Variants in RBFOX1 observed in about 807,000 individuals in gnomAD.
RBFOX1 encodes RNA binding protein fox-1 homolog 1.
A neutral mutation model predicts 57.7 loss-of-function variants in RBFOX1; 8 were observed. That is an observed-to-expected ratio of 0.14 (90% confidence interval 0.08 to 0.25). The LOEUF is 0.25. Ranked by LOEUF, RBFOX1 falls within the 10% of genes least tolerant of loss-of-function variation. RBFOX1 has a pLI of 1.00. For missense variants in RBFOX1, 611 were observed against 548.5 expected (o/e 1.11, Z -1.14); for synonymous variants, 326 against 222.4 (o/e 1.47, Z -4.15).
intron 1 of RBFOX1, among the ~76,000 whole-genome samples, chr16:6,034,083 C>A (rs772580911): frequency 6.6e-6 from 1 of 151,826 alleles, no homozygotes; most frequent in Admixed American, 6.6e-5. Flanking sequence ...GCCCGTAATC[C>A]CAGCCCTTTG....
At chr16:7,215,037 C>G (rs576586291) in intron 4 of RBFOX1, among the ~76,000 whole-genome samples, 3 of 152,234 alleles carry the variant, frequency 2.0e-5, no homozygotes, top group East Asian at 3.9e-4. Context: ...GCTATTTGTC[C>G]TAATGCTCTC....
At chr16:5,542,130 G>C (rs558904718) in intron 2 of RBFOX1, among the ~76,000 whole-genome samples, 15 of 152,148 alleles carry the variant, frequency 9.9e-5, no homozygotes, top group Admixed American at 3.9e-4. Context: ...GTCAGGTCCA[G>C]AGCATGGGAT....
intron 4 of RBFOX1, among the ~76,000 whole-genome samples, chr16:6,007,960 C>A (rs531264578): frequency 1.3e-5 from 2 of 152,200 alleles, no homozygotes; most frequent in African/African-American, 2.4e-5. Flanking sequence ...CATCTGTAAT[C>A]CCAACACCTT....
Position 5,585,177 on chromosome 16 carries a change from C to T in RBFOX1, c.259-13725C>T, listed in dbSNP as rs144718157. ...AAGGAACTACTCCCCATCCTGCCCT[C>T]CCCCCGTCCCTGGAAATCACTAATC... On this transcript the variant is annotated intron_variant, in intron 2 of 2. Coordinates refer to the RBFOX1 transcript ENST00000585867. Among the ~76,000 whole-genome samples the T allele has an allele frequency of 5.4e-3, 818 of 152,226 alleles. 1 individual carries two copies. The highest frequency in any genetic ancestry group is 8.2e-3 in the Admixed American group (126 of 15,298).
intron 2 of RBFOX1, 40 bp from the exon 3 acceptor site, chr16:6,654,563 G>A (rs568988826): frequency 1.4e-6 from 2 of 1,466,330 alleles, no homozygotes; most frequent in African/African-American, 1.4e-5. Context: ...TCTGACTCCT[G>A]TTCTTTCTCT....
chr16:5,550,251 C>G (rs758945325), intron 2 of RBFOX1, among the ~76,000 whole-genome samples: 8 of 152,136 alleles, frequency 5.3e-5, no homozygotes, highest in Non-Finnish European at 1.0e-4. Flanking sequence ...TGTAGGATCT[C>G]AAGAGCACCC....
At chr16:5,853,193 G>T (rs1250804166) in intron 3 of RBFOX1, among the ~76,000 whole-genome samples, 1 of 152,024 alleles carries the variant, frequency 6.6e-6, no homozygotes, top group African/African-American at 2.4e-5. Flanking sequence ...GTGAAGTTTG[G>T]AGCCTCAGCC....
chr16:6,310,271 A>T (rs2080092549), intron 1 of RBFOX1, among the ~76,000 whole-genome samples: 1 of 152,204 alleles, frequency 6.6e-6, no homozygotes, highest in Non-Finnish European at 1.5e-5. Context: ...GAAGAGCCTC[A>T]CTGGTTCCTT....
Position 5,284,756 on chromosome 16 carries a change from ATTTTTTTTT to A in RBFOX1, c.219+44669_219+44677del, listed in dbSNP as rs1166998032. 5.4e-4 allele frequency among the ~76,000 whole-genome samples: 33 copies of A among 61,050 alleles called. 2 individuals are homozygous for A. Among genetic ancestry groups the A allele is most frequent in the South Asian group, 7.9e-4 (1 of 1,264 alleles). The allele number at this position is 61,050 out of a possible 152,430, so 40.1% of individuals were successfully genotyped here. On this transcript the variant is annotated intron_variant, in intron 1 of 2. Transcript: ENST00000585867. ...GCTGGGTATAGTAGTTTTGGCTTAG[ATTTTTTTTT>A]TTTTTTTTTTTTTTTTTACTTGTAG...
chr16:5,476,099 T>G (rs561999063), intron 2 of RBFOX1, among the ~76,000 whole-genome samples: 2 of 152,280 alleles, frequency 1.3e-5, no homozygotes, highest in Non-Finnish European at 2.9e-5. Flanking sequence ...CTTATGTTAT[T>G]GACCCCAGAC....
intron 1 of RBFOX1, among the ~76,000 whole-genome samples, chr16:6,060,939 G>A (rs1195535238): frequency 6.6e-6 from 1 of 152,104 alleles, no homozygotes; most frequent in Admixed American, 6.5e-5. Flanking sequence ...ATGGACACAC[G>A]GGGCTGCCCT....
chr16:6,615,007 T>G (rs1309237635), intron 2 of RBFOX1, among the ~76,000 whole-genome samples: 1 of 152,206 alleles, frequency 6.6e-6, no homozygotes, highest in African/African-American at 2.4e-5. Flanking sequence ...GCATTATTTA[T>G]TAAGAGAAAT....
intron 3 of RBFOX1, among the ~76,000 whole-genome samples, chr16:5,613,597 G>C (rs1306217807): frequency 6.6e-6 from 1 of 152,142 alleles, no homozygotes; most frequent in African/African-American, 2.4e-5. Flanking sequence ...AGCATGTCAA[G>C]TTCATTTGAT....
At position 7,446,659 on chromosome 16, in the gene RBFOX1, C is replaced by T. The variant is rs544488062; in HGVS notation, c.28-71488C>T. ...TGAGCCTGTCTTCTCTTTACACCAG[C>T]AGCCTCAGTAACTCCCTGTTGGGCA... On this transcript the variant is annotated intron_variant, in intron 4 of 15. Coordinates refer to ENST00000550418, the MANE Select transcript of RBFOX1 (RefSeq NM_018723.4). Among the ~76,000 whole-genome samples the T allele has an allele frequency of 7.2e-5, 11 of 152,250 alleles. No individual in the cohort carries two copies. The South Asian group carries it at 1.9e-3, about 26-fold the overall frequency.
intron 3 of RBFOX1, among the ~76,000 whole-genome samples, chr16:7,011,938 G>C (rs1476389201): frequency 6.6e-6 from 1 of 152,164 alleles, no homozygotes; most frequent in Non-Finnish European, 1.5e-5. Flanking sequence ...TTTCTCTCTG[G>C]AAATACGCCC....
intron 3 of RBFOX1, among the ~76,000 whole-genome samples, chr16:6,815,588 T>A (rs746580686): frequency 6.6e-6 from 1 of 152,314 alleles, no homozygotes; most frequent in East Asian, 1.9e-4. Context: ...CCTCCCGTCA[T>A]TAATCTCATT....
At chr16:7,659,187 C>G (rs572851757) in intron 12 of RBFOX1, among the ~76,000 whole-genome samples, 3 of 152,262 alleles carry the variant, frequency 2.0e-5, no homozygotes, top group South Asian at 4.1e-4. Flanking sequence ...TTTGAGAAGA[C>G]TCTATATTAT....
chr16:7,040,501 T>C (rs1231267550), intron 3 of RBFOX1, among the ~76,000 whole-genome samples: 3 of 152,186 alleles, frequency 2.0e-5, no homozygotes, highest in African/African-American at 4.8e-5. Flanking sequence ...CTCATTGCAA[T>C]AAGTTGAAGT....
At chr16:7,675,263 A>G (rs1330450042) in intron 13 of RBFOX1, among the ~76,000 whole-genome samples, 1 of 152,172 alleles carries the variant, frequency 6.6e-6, no homozygotes, top group African/African-American at 2.4e-5. Flanking sequence ...CAGTGCTGTT[A>G]TAACTGCTTT....
Sources: gnomAD v4.1 joint callset for allele counts (sites outside exome capture counted in the v4.1 genomes callset) on GRCh38, gnomAD v4.1.1 for gene constraint, MANE v1.5 for transcripts, NCBI Gene and HGNC (gene_info 2026-07-23, HGNC 2026-07-21) for gene names.